The following ABCA8 variants were observed in gnomAD, a reference collection of about 807,000 sequenced individuals.
The protein encoded by ABCA8 is ABC-type organic anion transporter ABCA8.
In ABCA8, 177 loss-of-function variants were observed where a neutral mutation model predicts 192.3. The observed-to-expected ratio is 0.92, with a 90% confidence interval of 0.81 to 1.04. The LOEUF is 1.04. ABCA8 is among the 50% of genes least tolerant of loss of function. The pLI is 0.00. For missense variants in ABCA8, 1,915 were observed against 1,904.8 expected, an observed-to-expected ratio of 1.01 and a Z score of -0.10; for synonymous variants, 642 against 690.2, an observed-to-expected ratio of 0.93 and a Z score of 1.09.
chr17:68,947,906 C>T (rs975652959), intron 2 of ABCA8, among the ~76,000 whole-genome samples: 1 of 152,088 alleles, frequency 6.6e-6, no homozygotes, highest in African/African-American at 2.4e-5. Flanking sequence ...GCCCTCTACC[C>T]CTCAACAGGC....
chr17:68,921,258 CG>C (rs2067524506), intron 13 of ABCA8, 123 bp downstream of exon 13: 9 of 425,424 alleles, frequency 2.1e-5, no homozygotes, highest in Non-Finnish European at 3.7e-5. Flanking sequence ...TTAAATGACG[CG>C]TTAATGGGTG....
intron 23 of ABCA8, among the ~76,000 whole-genome samples, chr17:68,892,960 T>C (rs1167360647): frequency 6.6e-6 from 1 of 152,126 alleles, no homozygotes; most frequent in Non-Finnish European, 1.5e-5. Flanking sequence ...CAGTGAGCTA[T>C]GATCCTGCCA....
intron 11 of ABCA8, among the ~76,000 whole-genome samples, chr17:68,924,447 G>A (rs190239883): frequency 2.9e-4 from 44 of 152,122 alleles, no homozygotes; most frequent in African/African-American, 8.9e-4. Flanking sequence ...GACTGAATCC[G>A]GGCAAGGGTT....
chr17:68,937,865 TAGAATATTA>T (rs1244497970), intron 4 of ABCA8, among the ~76,000 whole-genome samples: 1 of 151,498 alleles, frequency 6.6e-6, no homozygotes, highest in Admixed American at 6.6e-5. Context: ...ATTATTATTA[TAGAATATTA>T]ATAGAGTACA....
intron 5 of ABCA8, among the ~76,000 whole-genome samples, chr17:68,936,106 T>A (rs2068057959): frequency 6.6e-6 from 1 of 152,166 alleles, no homozygotes; most frequent in East Asian, 1.9e-4. Context: ...GTTTGCGATT[T>A]TTTTTTCCAT....
Position 68,881,941 on chromosome 17 carries a change from C to T in ABCA8, c.3868G>A (p.Ala1290Thr). 6.2e-7 allele frequency: 1 copy of T among 1,614,142 alleles called. No homozygotes were observed. The highest frequency in any genetic ancestry group is 8.5e-7 in the Non-Finnish European group (1 of 1,179,954). ...GAAAAACAGCCTTTCCTCTTCCCTG[C>T]ATACTCCTTGCGTAGACAGCTGGCA... ...IIASCLRKEY[A>T]GKRKGCFSKR... Residue 1290 changes from alanine (A) to threonine (T), a missense_variant, in exon 31 of 40, where the codon GCA becomes ACA. Physicochemically the swap from Ala to Thr is moderately conservative, Grantham distance 58. Coordinates refer to ENST00000586539, the MANE Select transcript of ABCA8 (RefSeq NM_001288985.2).
chr17:68,887,603 T>C, intron 24 of ABCA8, 97 bp from the exon 25 acceptor site: 1 of 1,038,390 alleles, frequency 9.6e-7, no homozygotes, highest in Non-Finnish European at 1.4e-6. Context: ...GTAACAATTC[T>C]AGATTATGTC....
chr17:68,941,018 C>A, intron 3 of ABCA8, 56 bp from the exon 4 acceptor site: 1 of 1,373,682 alleles, frequency 7.3e-7, no homozygotes, highest in Non-Finnish European at 1.0e-6. Flanking sequence ...TAGTCATCCA[C>A]AATCATTTTG....
intron 23 of ABCA8, 46 bp downstream of exon 23, chr17:68,894,126 AT>A (rs1278556278): frequency 1.3e-6 from 2 of 1,596,840 alleles, no homozygotes; most frequent in Non-Finnish European, 8.6e-7. Flanking sequence ...GATCTGGGAG[AT>A]TCCTGATAGA....
chr17:68,887,925 T>TCCATA, intron 24 of ABCA8, among the ~76,000 whole-genome samples: 1 of 101,032 alleles, frequency 9.9e-6, no homozygotes, highest in South Asian at 3.1e-4. Context: ...TATATATATA[T>TCCATA]TATATATGGA....
intron 17 of ABCA8, among the ~76,000 whole-genome samples, chr17:68,912,497 GGAGATAAAGAAA>G (rs2067246773): frequency 6.6e-6 from 1 of 151,870 alleles, no homozygotes; most frequent in African/African-American, 2.4e-5. Context: ...GCCTTAAGGA[GGAGATAAAGAAA>G]GAGATAAAGA....
At chr17:68,902,599 G>A in intron 21 of ABCA8, 114 bp downstream of exon 21, 1 of 848,980 alleles carries the variant, frequency 1.2e-6, no homozygotes, top group Non-Finnish European at 1.7e-6. Context: ...TTCATAAATT[G>A]TTTTTTAACA....
At chr17:68,900,118 G>A (rs2066868076) in intron 21 of ABCA8, among the ~76,000 whole-genome samples, 1 of 151,994 alleles carries the variant, frequency 6.6e-6, no homozygotes, top group African/African-American at 2.4e-5. Context: ...TTGGAAATGA[G>A]TGACATAGAC....
intron 12 of ABCA8, among the ~76,000 whole-genome samples, 160 bp downstream of exon 12, chr17:68,922,082 C>A (rs1314088038): frequency 6.6e-6 from 1 of 151,176 alleles, no homozygotes; most frequent in East Asian, 2.0e-4. Flanking sequence ...TTATGCAGCT[C>A]AAATAACTCT....
chr17:68,953,262 G>A (rs2068618508), intron 1 of ABCA8, among the ~76,000 whole-genome samples: 1 of 152,194 alleles, frequency 6.6e-6, no homozygotes, highest in Non-Finnish European at 1.5e-5. Flanking sequence ...GCTCCACCCT[G>A]AAGACCATCA....
intron 30 of ABCA8, among the ~76,000 whole-genome samples, chr17:68,882,186 G>T (rs1267404261): frequency 6.6e-6 from 1 of 152,080 alleles, no homozygotes; most frequent in Non-Finnish European, 1.5e-5. Context: ...TCCTACAAAG[G>T]CAGTTTTTTC....
chr17:68,904,292 AATAATAATAATAAT>A (rs2067002089), intron 19 of ABCA8, among the ~76,000 whole-genome samples: 2 of 28 alleles, frequency 0.071, no homozygotes, highest in Non-Finnish European at 0.1. Flanking sequence ...AAAAAAAAGA[AATAATAATAATAAT>A]AATAATAATA....
At chr17:68,877,768 A>G in intron 32 of ABCA8, 89 bp from the exon 33 acceptor site, 1 of 1,349,694 alleles carries the variant, frequency 7.4e-7, no homozygotes, top group Non-Finnish European at 1.0e-6. Context: ...GAACCTAGAA[A>G]AACTAGAGAA....
intron 5 of ABCA8, among the ~76,000 whole-genome samples, chr17:68,934,914 A>G (rs947228147): frequency 2.0e-5 from 3 of 152,088 alleles, no homozygotes; most frequent in Admixed American, 2.0e-4. Context: ...AATGAGGAAA[A>G]ACACCTCTCC....
Sources: allele counts gnomAD v4.1 joint callset (sites outside exome capture counted in the v4.1 genomes callset), GRCh38; gene constraint gnomAD v4.1.1; transcripts MANE v1.5; gene names NCBI Gene and HGNC (gene_info 2026-07-23, HGNC 2026-07-21).